Variants in DNAH8 observed in about 807,000 individuals in gnomAD.
DNAH8 encodes dynein axonemal heavy chain 8.
Under a neutral mutation model 562.1 loss-of-function variants are expected in DNAH8, and 382 were observed. That is an observed-to-expected ratio of 0.68 (90% CI 0.63 to 0.74). DNAH8 has a LOEUF of 0.74. DNAH8 is among the 30% of genes least tolerant of loss of function. DNAH8 has a pLI of 0.00. For missense variants in DNAH8, 5,203 were observed against 5,620.4 expected (o/e 0.93, Z 2.37); for synonymous variants, 1,881 against 1,919.4 (o/e 0.98, Z 0.52).
At chr6:38,900,806 G>A (rs1181152770) in intron 62 of DNAH8, among the ~76,000 whole-genome samples, 2 of 151,918 alleles carry the variant, frequency 1.3e-5, no homozygotes, top group Non-Finnish European at 2.9e-5. Context: ...TAGTAGAGAC[G>A]GGGTTTCACC....
At chr6:38,744,623 C>G (rs776429149) in intron 8 of DNAH8, among the ~76,000 whole-genome samples, 36 of 152,000 alleles carry the variant, frequency 2.4e-4, no homozygotes, top group Non-Finnish European at 4.1e-4. Flanking sequence ...AGACAGGCTT[C>G]TCTTCGTCAC....
Position 38,803,198 on chromosome 6 carries a change from C to G in DNAH8, c.2921C>G (p.Ala974Gly), listed in dbSNP as rs774370739. ...TLNETYTKEW[A>G]DILNHKSKHV... ...TAACAGACATACACAAAAGAATGGGCTGACATTCTAAACCACAAAAGTAAG... is the reference window on the plus strand; with the variant it reads ...TAACAGACATACACAAAAGAATGGGGTGACATTCTAAACCACAAAAGTAAG... The change falls in exon 22 of 93, where the codon GCT (alanine) becomes GGT (glycine). Residue 974 changes from alanine (A) to glycine (G), a missense_variant. Ala to Gly is a moderately conservative substitution (Grantham distance 60). Coordinates refer to ENST00000327475, the MANE Select transcript of DNAH8 (RefSeq NM_001206927.2). The G allele has an allele frequency of 1.3e-6, 2 of 1,599,526 alleles. No individual in the cohort carries two copies. Among genetic ancestry groups the G allele is most frequent in the South Asian group, 2.3e-5 (2 of 87,510 alleles).
At chr6:38,909,448 C>A in intron 64 of DNAH8, 70 bp from the exon 65 acceptor site, 1 of 1,419,010 alleles carries the variant, frequency 7.0e-7, no homozygotes, top group Admixed American at 1.7e-5. Flanking sequence ...GGTCAGATTG[C>A]GTAAATCTCT....
chr6:38,833,647 A>C (rs1249882224), intron 31 of DNAH8, among the ~76,000 whole-genome samples: 1 of 152,238 alleles, frequency 6.6e-6, no homozygotes, highest in East Asian at 1.9e-4. Context: ...AATAGACCAA[A>C]GAAGACAACT....
intron 25 of DNAH8, 41 bp downstream of exon 25, chr6:38,814,170 T>G: frequency 8.4e-7 from 1 of 1,184,304 alleles, no homozygotes; most frequent in Non-Finnish European, 1.3e-6. Context: ...ATAAGGTGCT[T>G]AAGAAGTATA....
At chr6:38,803,357 C>T (rs774724990) in intron 22 of DNAH8, 46 bp downstream of exon 22, 25 of 1,501,720 alleles carry the variant, frequency 1.7e-5, no homozygotes, top group African/African-American at 5.5e-5. Flanking sequence ...TCTACAGATT[C>T]GTTCTTATGT....
At chr6:38,957,297 T>C (rs183996576) in intron 82 of DNAH8, among the ~76,000 whole-genome samples, 2 of 148,612 alleles carry the variant, frequency 1.3e-5, no homozygotes, top group Non-Finnish European at 1.5e-5. Context: ...AATTAATATA[T>C]ATATTAATTA....
chr6:38,718,486 C>A (rs1416108251), intron 1 of DNAH8, among the ~76,000 whole-genome samples: 1 of 152,126 alleles, frequency 6.6e-6, no homozygotes, highest in African/African-American at 2.4e-5. Context: ...TCTCAAATTA[C>A]AGTATTTCAT....
chr6:38,937,380 A>G (rs1021013363), intron 77 of DNAH8, among the ~76,000 whole-genome samples: 3 of 152,146 alleles, frequency 2.0e-5, no homozygotes, highest in Non-Finnish European at 4.4e-5. Flanking sequence ...GAAAGGCAAA[A>G]CTAAAAATAA....
At chr6:38,888,318 GTGACCTC>G (rs371727873) in intron 57 of DNAH8, among the ~76,000 whole-genome samples, 5 of 152,234 alleles carry the variant, frequency 3.3e-5, no homozygotes, top group African/African-American at 1.2e-4. Flanking sequence ...AAATAGTTGA[GTGACCTC>G]TGAGTAGGAA....
intron 86 of DNAH8, 80 bp from the exon 87 acceptor site, chr6:38,984,126 T>C: frequency 1.3e-6 from 1 of 767,402 alleles, no homozygotes. Flanking sequence ...TCCAGACCTT[T>C]CCTCTAGGGA....
chr6:38,767,440 G>GAAA (rs58165668), intron 11 of DNAH8, among the ~76,000 whole-genome samples: 18 of 147,200 alleles, frequency 1.2e-4, no homozygotes, highest in Non-Finnish European at 1.5e-4. Flanking sequence ...TCCATCTCAG[G>GAAA]AAAAAAAAAA....
chr6:39,002,879 T>A (rs1765576688), intron 88 of DNAH8, among the ~76,000 whole-genome samples: 1 of 152,216 alleles, frequency 6.6e-6, no homozygotes, highest in South Asian at 2.1e-4. Flanking sequence ...GACTGAAAGT[T>A]CTGTATGTGA....
In DNAH8 at chr6:38,873,274, A is replaced by G. The variant is rs753899254; in HGVS notation, c.7518A>G (p.Val2506=). 2 of 1,613,706 alleles carry G rather than the reference A, an allele frequency of 1.2e-6. No homozygotes were observed. Among genetic ancestry groups the G allele is most frequent in the Admixed American group, 1.7e-5 (1 of 59,934 alleles). ...AACGCACTGCACAGGAAGCTGCTGT[A>G]TTCCTGACACTGTATGAGAAAGTCT... ...LKKRTAQEAA[V]FLTLYEKVFE... The change falls in exon 52 of 93, where the codon GTA becomes GTG. Residue 2506 remains valine, a synonymous_variant. Transcript: ENST00000327475.
At chr6:38,780,128 AT>A in intron 15 of DNAH8, 63 bp downstream of exon 15, 2 of 1,471,214 alleles carry the variant, frequency 1.4e-6, no homozygotes, top group Non-Finnish European at 1.9e-6. Context: ...ATCTGAAAAT[AT>A]TTGCCATCAT....
chr6:38,812,280 T>C (rs1771863825), intron 24 of DNAH8, among the ~76,000 whole-genome samples: 1 of 152,152 alleles, frequency 6.6e-6, no homozygotes, highest in Admixed American at 6.6e-5. Context: ...ACCTTGTATT[T>C]GAGCATTCTC....
chr6:38,918,920 T>TA (rs1272745467), intron 70 of DNAH8, among the ~76,000 whole-genome samples: 1 of 152,170 alleles, frequency 6.6e-6, no homozygotes, highest in Non-Finnish European at 1.5e-5. Flanking sequence ...TCATAAGCCT[T>TA]AGAGAAGTGG....
intron 71 of DNAH8, among the ~76,000 whole-genome samples, chr6:38,921,883 CG>C (rs1781733145): frequency 6.6e-6 from 1 of 151,406 alleles, no homozygotes; most frequent in South Asian, 2.1e-4. Flanking sequence ...GGGGTGGGGC[CG>C]TTTTATAGGA....
Position 38,904,792 on chromosome 6 carries a change from C to CAAA in DNAH8, c.9195-1444_9195-1442dup, listed in dbSNP as rs759782655. On this transcript the variant is annotated intron_variant, in intron 62 of 92. Transcript: ENST00000327475. ...GGGCAAGAAGAGTGAAACTCCGTCT[C>CAAA]AAAAAAAAAAAAAAAAAAAAGAAAG... 2.1e-3 allele frequency among the ~76,000 whole-genome samples: 182 copies of CAAA among 86,094 alleles called. 6 individuals are homozygous for CAAA. Among genetic ancestry groups the CAAA allele is most frequent in the East Asian group, 0.016 (49 of 3,144 alleles). The allele number at this position is 86,094 out of a possible 152,430, so 56.5% of individuals were successfully genotyped here. A position where few individuals can be genotyped will look rare whatever the true frequency, so the allele number is the denominator to read the frequency against.
Sources: allele counts gnomAD v4.1 joint callset (sites outside exome capture counted in the v4.1 genomes callset), GRCh38; gene constraint gnomAD v4.1.1; transcripts MANE v1.5; gene names NCBI Gene and HGNC (gene_info 2026-07-23, HGNC 2026-07-21).